Variants in CDH18 observed in about 807,000 individuals in gnomAD.
CDH18 encodes cadherin 18.
Under a neutral mutation model 67.9 loss-of-function variants are expected in CDH18, and 31 were observed. That is an observed-to-expected ratio of 0.46 (90% CI 0.34 to 0.62). The LOEUF is 0.62. CDH18 is among the 20% of genes least tolerant of loss of function. CDH18 has a pLI of 0.01. For synonymous variants in CDH18, 362 were observed against 347.2 expected, an observed-to-expected ratio of 1.04 and a Z score of -0.48; for missense variants, 890 against 975.5, an observed-to-expected ratio of 0.91 and a Z score of 1.17.
At chr5:19,987,542 A>C (rs1799694604) in intron 1 of CDH18, among the ~76,000 whole-genome samples, 2 of 152,144 alleles carry the variant, frequency 1.3e-5, no homozygotes, top group African/African-American at 2.4e-5. Context: ...GGAAGAAAAA[A>C]AAAAAGAATG....
At chr5:20,394,269 A>T (rs951919790) in intron 1 of CDH18, among the ~76,000 whole-genome samples, 12 of 152,060 alleles carry the variant, frequency 7.9e-5, no homozygotes, top group African/African-American at 2.9e-4. Context: ...AGTTACAACC[A>T]ATTTGTCTTC....
chr5:20,238,445 T>C (rs985601510), intron 2 of CDH18, among the ~76,000 whole-genome samples: 1 of 152,138 alleles, frequency 6.6e-6, no homozygotes, highest in African/African-American at 2.4e-5. Context: ...AGAAGATATA[T>C]GTAGGCAAAT....
At chr5:20,456,886 C>G (rs1750872601) in intron 1 of CDH18, among the ~76,000 whole-genome samples, 2 of 152,080 alleles carry the variant, frequency 1.3e-5, no homozygotes, top group Admixed American at 6.6e-5. Flanking sequence ...AAGGAGGATC[C>G]TTCATGAGAG....
At chr5:20,358,289 A>G (rs1221400736) in intron 1 of CDH18, among the ~76,000 whole-genome samples, 1 of 152,176 alleles carries the variant, frequency 6.6e-6, no homozygotes, top group Non-Finnish European at 1.5e-5. Context: ...CTGCACAGGT[A>G]CCCCCTGATT....
At chr5:19,620,904 A>G (rs1374724045) in intron 5 of CDH18, among the ~76,000 whole-genome samples, 1 of 152,160 alleles carries the variant, frequency 6.6e-6, no homozygotes. Context: ...ATTTACTAAC[A>G]AATTTAGATA....
chr5:20,522,055 A>C (rs929103009), intron 1 of CDH18, among the ~76,000 whole-genome samples: 1 of 152,164 alleles, frequency 6.6e-6, no homozygotes, highest in Admixed American at 6.6e-5. Flanking sequence ...CCCTGTTTCA[A>C]TATCACTAGT....
chr5:19,718,074 A>C (rs1765557555), intron 5 of CDH18, among the ~76,000 whole-genome samples: 1 of 152,050 alleles, frequency 6.6e-6, no homozygotes, highest in Admixed American at 6.6e-5. Flanking sequence ...TCTGTATCAC[A>C]TAGTAACTCA....
At chr5:20,309,401 A>C (rs1419368928) in intron 1 of CDH18, among the ~76,000 whole-genome samples, 2 of 152,234 alleles carry the variant, frequency 1.3e-5, no homozygotes, top group Non-Finnish European at 2.9e-5. Context: ...TGTCCAAAGA[A>C]TCAGAAAATT....
chr5:19,801,252 C>T lies in CDH18; in HGVS notation c.228+37507G>A, dbSNP rs61231311. 7.7e-3 allele frequency among the ~76,000 whole-genome samples: 1,166 copies of T among 152,266 alleles called. 13 individuals are homozygous for T. The highest frequency in any genetic ancestry group is 0.026 in the African/African-American group (1,092 of 41,560). On this transcript the variant is annotated intron_variant, in intron 3 of 12. Transcript: ENST00000382275. ...TTTCATTTAGAAATTTCTTCCTCAG[C>T]ATTACTCAAAGCCAGGCAAAAAGAC...
chr5:20,539,388 T>C (rs1454179084), intron 1 of CDH18, among the ~76,000 whole-genome samples: 1 of 152,158 alleles, frequency 6.6e-6, no homozygotes, highest in Admixed American at 6.6e-5. Flanking sequence ...TGGTTATACT[T>C]ATGCAGAATT....
intron 2 of CDH18, among the ~76,000 whole-genome samples, chr5:19,872,582 T>C (rs1391802315): frequency 1.3e-5 from 2 of 152,118 alleles, no homozygotes; most frequent in Admixed American, 6.6e-5. Flanking sequence ...AAATGAATTC[T>C]ATCAATAACC....
chr5:20,544,380 A>T (rs1757224292), intron 1 of CDH18, among the ~76,000 whole-genome samples: 1 of 152,208 alleles, frequency 6.6e-6, no homozygotes, highest in Non-Finnish European at 1.5e-5. Flanking sequence ...GAATGTACAC[A>T]CATATGTGTA....
chr5:20,557,960 A>G (rs1278485796), intron 1 of CDH18, among the ~76,000 whole-genome samples: 1 of 48,364 alleles, frequency 2.1e-5, no homozygotes, highest in African/African-American at 4.4e-5. Context: ...TTAATGTTAT[A>G]GTTATATAAC....
Position 19,808,724 on chromosome 5 carries a change from G to A in CDH18, c.228+30035C>T, listed in dbSNP as rs555259170. ...CGCACACCTGTGATCCCAGCTACTT[G>A]GGAGTCTGAGGCAGAAGAATTGCTT... On this transcript the variant is annotated intron_variant, in intron 3 of 12. Coordinates refer to ENST00000382275, the MANE Select transcript of CDH18 (RefSeq NM_004934.5). 2.2e-4 allele frequency among the ~76,000 whole-genome samples: 34 copies of A among 151,330 alleles called. No individual in the cohort carries two copies. The East Asian group carries it at 6.5e-3, about 29-fold the overall frequency.
At position 20,131,714 on chromosome 5, in the gene CDH18, T is replaced by TTTTG. The variant is rs1373771729; in HGVS notation, c.-518+123729_-518+123730insCAAA. On this transcript the variant is annotated intron_variant, in intron 2 of 14. Coordinates refer to the CDH18 transcript ENST00000507958. ...TTAAAATATAATGAACTTTATGCTA[T>TTTTG]ATTGATTTATGTATTTTTACAACAA... Among the ~76,000 whole-genome samples, 13 of 152,308 alleles carry TTTTG rather than the reference T, an allele frequency of 8.5e-5. No individual in the cohort carries two copies. The East Asian group carries it at 2.5e-3, about 29-fold the overall frequency.
At chr5:20,197,636 G>T (rs966732573) in intron 2 of CDH18, among the ~76,000 whole-genome samples, 3 of 152,140 alleles carry the variant, frequency 2.0e-5, no homozygotes, top group African/African-American at 7.2e-5. Flanking sequence ...GCTATTTGCT[G>T]TTGCAGAGTC....
At chr5:19,763,457 T>C (rs572415357) in intron 3 of CDH18, among the ~76,000 whole-genome samples, 6 of 152,146 alleles carry the variant, frequency 3.9e-5, no homozygotes, top group Admixed American at 6.6e-5. Context: ...TACTGCATAA[T>C]TGAAGTTGCA....
intron 9 of CDH18, among the ~76,000 whole-genome samples, chr5:19,526,840 T>C (rs1747818614): frequency 6.6e-6 from 1 of 152,016 alleles, no homozygotes; most frequent in African/African-American, 2.4e-5. Flanking sequence ...TTGCTTTCAT[T>C]ATGAAAATTC....
At chr5:19,995,449 C>T (rs888998985) in intron 2 of CDH18, among the ~76,000 whole-genome samples, 2 of 151,842 alleles carry the variant, frequency 1.3e-5, no homozygotes, top group South Asian at 2.1e-4. Flanking sequence ...ATACATAACT[C>T]AAGACTGGCA....
Sources: allele counts gnomAD v4.1 joint callset (sites outside exome capture counted in the v4.1 genomes callset), GRCh38; gene constraint gnomAD v4.1.1; transcripts MANE v1.5; gene names NCBI Gene and HGNC (gene_info 2026-07-23, HGNC 2026-07-21).